The following PLCE1 variants were observed in gnomAD, a reference collection of about 807,000 sequenced individuals.
The protein encoded by PLCE1 is phospholipase C epsilon 1, also known as 1-phosphatidylinositol 4,5-bisphosphate phosphodiesterase epsilon-1.
A neutral mutation model predicts 242.8 loss-of-function variants in PLCE1; 119 were observed. The observed-to-expected ratio is 0.49, with a 90% confidence interval of 0.42 to 0.57. PLCE1 has a LOEUF of 0.57. Ranked by LOEUF, PLCE1 falls within the 20% of genes least tolerant of loss-of-function variation. PLCE1 has a pLI of 0.00. For missense variants in PLCE1, 2,441 were observed against 2,788.8 expected (o/e 0.88, Z 2.81); for synonymous variants, 945 against 1,017.4 (o/e 0.93, Z 1.35).
At chr10:94,276,104 G>A (rs2051945048) in intron 19 of PLCE1, among the ~76,000 whole-genome samples, 1 of 152,126 alleles carries the variant, frequency 6.6e-6, no homozygotes. Context: ...TTCTCAAACT[G>A]TGTCTTCATC....
At chr10:94,074,524 G>A (rs745605301) in intron 2 of PLCE1, among the ~76,000 whole-genome samples, 5 of 152,082 alleles carry the variant, frequency 3.3e-5, no homozygotes, top group Non-Finnish European at 7.4e-5. Flanking sequence ...GATCAGAGTT[G>A]GCATGCAATG....
chr10:94,061,515 T>A (rs895726164), intron 2 of PLCE1, among the ~76,000 whole-genome samples: 91 of 152,314 alleles, frequency 6.0e-4, no homozygotes, highest in African/African-American at 2.2e-3. Context: ...TGCATACCAT[T>A]AGCCAAAGAG....
At chr10:94,263,779 A>G (rs1047409452) in intron 14 of PLCE1, among the ~76,000 whole-genome samples, 4 of 152,008 alleles carry the variant, frequency 2.6e-5, no homozygotes, top group Admixed American at 2.6e-4. Context: ...TTTCTTTAAC[A>G]TATTATATGT....
chr10:94,122,215 G>A (rs2046320490), intron 2 of PLCE1, among the ~76,000 whole-genome samples: 1 of 152,172 alleles, frequency 6.6e-6, no homozygotes, highest in Non-Finnish European at 1.5e-5. Context: ...TTGTCTTGCA[G>A]GGAATTTGTC....
chr10:94,160,641 AT>A (rs1275126672), intron 3 of PLCE1, among the ~76,000 whole-genome samples: 4 of 152,030 alleles, frequency 2.6e-5, no homozygotes, highest in Admixed American at 6.5e-5. Context: ...CCATTTGTCA[AT>A]TTTGTCTTTT....
In PLCE1 at chr10:94,259,102, A is replaced by G. The variant is rs760720254; in HGVS notation, c.3766A>G (p.Thr1256Ala). The change falls in exon 13 of 33, where the codon ACC (threonine) becomes GCC (alanine). Residue 1256 changes from threonine (T) to alanine (A), a missense_variant. Transcript: ENST00000371380. ...TGGCTCCGAGTCAGCCCCACTCTAC[A>G]CCAACCTGACAATTGATGAAAACAC... ...RSGSESAPLY[T>A]NLTIDENTSD... The G allele has an allele frequency of 6.2e-7, 1 of 1,613,892 alleles. No individual in the cohort carries two copies. Among genetic ancestry groups the G allele is most frequent in the Non-Finnish European group, 8.5e-7 (1 of 1,179,934 alleles).
At chr10:94,054,158 T>A (rs527911723) in intron 2 of PLCE1, among the ~76,000 whole-genome samples, 19 of 152,260 alleles carry the variant, frequency 1.2e-4, no homozygotes, top group African/African-American at 4.6e-4. Context: ...ACATGGAAAG[T>A]TGGAGAGCCC....
intron 13 of PLCE1, among the ~76,000 whole-genome samples, chr10:94,260,630 ATTAT>A (rs2051262845): frequency 1.3e-5 from 2 of 151,486 alleles, no homozygotes; most frequent in South Asian, 4.2e-4. Context: ...TTATTATTTT[ATTAT>A]TTATCATGAT....
intron 4 of PLCE1, among the ~76,000 whole-genome samples, chr10:94,174,284 G>C (rs2048064809): frequency 6.6e-6 from 1 of 152,118 alleles, no homozygotes; most frequent in African/African-American, 2.4e-5. Flanking sequence ...TCAGTGTGGT[G>C]GGGTTGGGGA....
At chr10:94,102,735 C>T (rs1339957067) in intron 2 of PLCE1, among the ~76,000 whole-genome samples, 1 of 152,212 alleles carries the variant, frequency 6.6e-6, no homozygotes, top group Non-Finnish European at 1.5e-5. Context: ...GCTGCACTCC[C>T]ATCTCCTCAT....
chr10:94,022,521 G>A (rs1394749500), intron 1 of PLCE1, among the ~76,000 whole-genome samples: 1 of 151,996 alleles, frequency 6.6e-6, no homozygotes, highest in Non-Finnish European at 1.5e-5. Context: ...AGCAGAAAGT[G>A]TACTAGCACT....
chr10:94,152,385 T>C (rs951098844), intron 3 of PLCE1, among the ~76,000 whole-genome samples: 1 of 152,246 alleles, frequency 6.6e-6, no homozygotes, highest in Non-Finnish European at 1.5e-5. Flanking sequence ...TAATAGCATT[T>C]GGTCAACAAG....
At chr10:94,228,073 A>G (rs1239097951) in intron 5 of PLCE1, among the ~76,000 whole-genome samples, 1 of 152,254 alleles carries the variant, frequency 6.6e-6, no homozygotes, top group Non-Finnish European at 1.5e-5. Context: ...GTCACCTGGC[A>G]TTGCTGGGAA....
intron 3 of PLCE1, among the ~76,000 whole-genome samples, chr10:94,157,969 TGTCTACATAGA>T (rs1455212793): frequency 6.6e-6 from 1 of 152,218 alleles, no homozygotes; most frequent in Non-Finnish European, 1.5e-5. Flanking sequence ...GGTGCTGTGC[TGTCTACATAGA>T]GTGGTTGTGA....
At position 94,087,349 on chromosome 10, in the gene PLCE1, C is replaced by CA. The variant is rs57482986; in HGVS notation, c.1207-44804dup. 8.7e-3 allele frequency among the ~76,000 whole-genome samples: 583 copies of CA among 67,146 alleles called. 5 individuals are homozygous for CA. The highest frequency in any genetic ancestry group is 0.029 in the Middle Eastern group (3 of 104). The allele number at this position is 67,146 out of a possible 152,430, so 44.1% of individuals were successfully genotyped here. A position where few individuals can be genotyped will look rare whatever the true frequency, so the allele number is the denominator to read the frequency against. ...TGGATGACAGAGCGAGACCCTGTCT[C>CA]AAAAAAAAAAAAAAAAAAAAAGAAA... On this transcript the variant is annotated intron_variant, in intron 2 of 32. Coordinates refer to ENST00000371380, the MANE Select transcript of PLCE1 (RefSeq NM_016341.4).
chr10:94,015,521 A>T (rs2061260809), intron 1 of PLCE1, among the ~76,000 whole-genome samples: 2 of 152,168 alleles, frequency 1.3e-5, no homozygotes, highest in Non-Finnish European at 2.9e-5. Flanking sequence ...CCTGAACCAG[A>T]TCCTTACCAC....
intron 9 of PLCE1, among the ~76,000 whole-genome samples, chr10:94,253,719 A>C (rs2050963090): frequency 6.6e-6 from 1 of 152,082 alleles, no homozygotes; most frequent in Non-Finnish European, 1.5e-5. Context: ...TCACCAAGGG[A>C]ATGATCCTCA....
At position 94,322,194 on chromosome 10, in the gene PLCE1, T is replaced by C. The variant is rs139208292; in HGVS notation, c.6501+135T>C. ...GACCTCAAAGGGGAGTGTGTGCCTCTTAAGGCTGGGAAATTGCCTCACATG... is the reference window on the plus strand; with the variant it reads ...GACCTCAAAGGGGAGTGTGTGCCTCCTAAGGCTGGGAAATTGCCTCACATG... On this transcript the variant is annotated intron_variant, in intron 30 of 32. Coordinates refer to ENST00000371380, the MANE Select transcript of PLCE1 (RefSeq NM_016341.4). 404 of 846,148 alleles carry C rather than the reference T, an allele frequency of 4.8e-4. No homozygotes were observed. The African/African-American group carries it at 5.9e-3, about 12-fold the overall frequency. 52.4% of individuals were successfully genotyped at this position (846,148 alleles called of 1,614,324 possible). A position where few individuals can be genotyped will look rare whatever the true frequency, so the allele number is the denominator to read the frequency against.
At chr10:94,059,674 T>A (rs1184995615) in intron 2 of PLCE1, among the ~76,000 whole-genome samples, 1 of 152,212 alleles carries the variant, frequency 6.6e-6, no homozygotes, top group African/African-American at 2.4e-5. Flanking sequence ...AATATGTGTG[T>A]TACATGCTAA....
Sources: allele counts gnomAD v4.1 joint callset (sites outside exome capture counted in the v4.1 genomes callset), GRCh38; gene constraint gnomAD v4.1.1; transcripts MANE v1.5; gene names NCBI Gene and HGNC (gene_info 2026-07-23, HGNC 2026-07-21).